CPNE8: variants seen among roughly 807,000 people sequenced by gnomAD.
CPNE8 encodes the protein copine 8, also known as copine-8.
A neutral mutation model predicts 81.5 loss-of-function variants in CPNE8; 45 were observed. That is an observed-to-expected ratio of 0.55 (90% CI 0.44 to 0.71). CPNE8 has a LOEUF of 0.71. Ranked by LOEUF, CPNE8 falls within the 30% of genes least tolerant of loss-of-function variation. The pLI is 0.00. For synonymous variants in CPNE8, 252 were observed against 226.3 expected (o/e 1.11, Z -1.02); for missense variants, 594 against 672.1 (o/e 0.88, Z 1.28).
chr12:38,732,431 T>C (rs1940852418), intron 10 of CPNE8, among the ~76,000 whole-genome samples: 1 of 151,966 alleles, frequency 6.6e-6, no homozygotes, highest in South Asian at 2.1e-4. Flanking sequence ...AAGCAGTTCT[T>C]TGATATTTGG....
chr12:38,670,187 G>A (rs1373904695), intron 19 of CPNE8, among the ~76,000 whole-genome samples: 2 of 152,176 alleles, frequency 1.3e-5, no homozygotes, highest in Admixed American at 1.3e-4. Flanking sequence ...TTCATTGTTT[G>A]CTCCCTTAAA....
intron 4 of CPNE8, among the ~76,000 whole-genome samples, chr12:38,841,873 A>T (rs1943472558): frequency 6.6e-6 from 1 of 152,162 alleles, no homozygotes; most frequent in South Asian, 2.1e-4. Context: ...AAGCAGAAAG[A>T]TGAAGGATTA....
At chr12:38,717,295 C>T (rs1011162517) in intron 13 of CPNE8, among the ~76,000 whole-genome samples, 2 of 151,210 alleles carry the variant, frequency 1.3e-5, no homozygotes, top group African/African-American at 4.9e-5. Context: ...TGGGTATCTA[C>T]CCAGAGGAAA....
At chr12:38,690,386 C>T (rs1939646737) in intron 15 of CPNE8, among the ~76,000 whole-genome samples, 1 of 151,998 alleles carries the variant, frequency 6.6e-6, no homozygotes, top group South Asian at 2.1e-4. Flanking sequence ...CTTATTTATC[C>T]AACAAAACAG....
intron 3 of CPNE8, among the ~76,000 whole-genome samples, chr12:38,860,330 T>G (rs937268134): frequency 6.8e-6 from 1 of 147,846 alleles, no homozygotes; most frequent in African/African-American, 2.5e-5. Flanking sequence ...ATTGGAGAAC[T>G]GTAAATTCAC....
intron 6 of CPNE8, among the ~76,000 whole-genome samples, chr12:38,822,396 C>T (rs1222884041): frequency 2.0e-5 from 3 of 152,026 alleles, no homozygotes; most frequent in Non-Finnish European, 2.9e-5. Context: ...CGGTCCTTTC[C>T]TTAAACTTGC....
chr12:38,677,914 T>C (rs1939328744), intron 16 of CPNE8, among the ~76,000 whole-genome samples: 1 of 152,110 alleles, frequency 6.6e-6, no homozygotes, highest in Non-Finnish European at 1.5e-5. Context: ...TTACCTAAGC[T>C]ATGTGAAAGT....
intron 15 of CPNE8, among the ~76,000 whole-genome samples, chr12:38,687,369 A>G (rs74936170): frequency 0.014 from 1,659 of 117,658 alleles, 38 homozygotes; most frequent in African/African-American, 0.048. Flanking sequence ...AAATGCCAAG[A>G]CTTTCTTTTT....
chr12:38,675,697 A>C lies in CPNE8; in HGVS notation c.1432+20T>G. 1 of 1,498,218 alleles carries C rather than the reference A, an allele frequency of 6.7e-7. No homozygotes were observed. The highest frequency in any genetic ancestry group is 9.3e-7 in the Non-Finnish European group (1 of 1,075,588). 92.8% of individuals were successfully genotyped at this position (1,498,218 alleles called of 1,614,324 possible). A position where few individuals can be genotyped will look rare whatever the true frequency, so the allele number is the denominator to read the frequency against. ...ATTAAATGAACTCCCAAGGAATATT[A>C]TTGAAATTTTACTACTCACCATCAA... On this transcript the variant is annotated intron_variant, in intron 18 of 19. Coordinates refer to ENST00000331366, the MANE Select transcript of CPNE8 (RefSeq NM_153634.3).
intron 6 of CPNE8, among the ~76,000 whole-genome samples, chr12:38,814,157 G>T (rs534625780): frequency 1.5e-4 from 23 of 152,034 alleles, no homozygotes; most frequent in African/African-American, 5.3e-4. Flanking sequence ...AAGGTCTCTA[G>T]AGAAGCCTCT....
At chr12:38,685,735 C>T (rs1939518761) in intron 15 of CPNE8, 118 bp from the exon 16 acceptor site, 9 of 1,002,008 alleles carry the variant, frequency 9.0e-6, no homozygotes, top group African/African-American at 1.6e-5. Context: ...TTGAGGAACT[C>T]TTATTCATAA....
chr12:38,786,333 G>A (rs1315721496), intron 6 of CPNE8, among the ~76,000 whole-genome samples: 1 of 152,148 alleles, frequency 6.6e-6, no homozygotes, highest in Non-Finnish European at 1.5e-5. Flanking sequence ...TTGGGTCAGT[G>A]GGCTGAGAAA....
intron 10 of CPNE8, among the ~76,000 whole-genome samples, chr12:38,736,793 C>T (rs911213213): frequency 5.3e-5 from 8 of 151,956 alleles, no homozygotes; most frequent in Admixed American, 1.3e-4. Flanking sequence ...CAGGAAATAA[C>T]TTTTACCTAG....
intron 19 of CPNE8, among the ~76,000 whole-genome samples, chr12:38,659,906 A>T (rs1938913499): frequency 1.3e-5 from 2 of 152,198 alleles, no homozygotes; most frequent in African/African-American, 2.4e-5. Context: ...CCAACTTACA[A>T]GGGATGTGAA....
At chr12:38,722,727 C>A (rs935037949) in intron 13 of CPNE8, among the ~76,000 whole-genome samples, 1 of 152,102 alleles carries the variant, frequency 6.6e-6, no homozygotes, top group Non-Finnish European at 1.5e-5. Flanking sequence ...ACAACCAATG[C>A]TTTTTTTAAA....
At chr12:38,779,418 A>G (rs1941999719) in intron 6 of CPNE8, among the ~76,000 whole-genome samples, 1 of 152,148 alleles carries the variant, frequency 6.6e-6, no homozygotes, top group South Asian at 2.1e-4. Context: ...CATTAACTAG[A>G]TTGCCTGATT....
Position 38,671,965 on chromosome 12 carries a change from T to C in CPNE8, c.1433-1163A>G, listed in dbSNP as rs78722489. On this transcript the variant is annotated intron_variant, in intron 18 of 19. Transcript: ENST00000331366. ...GATAATTATCCCAATGCAGAAGACA[T>C]TTTTTAATCTCCCTTACTTCTTGGA... Among the ~76,000 whole-genome samples, 1,432 of 152,226 alleles carry C rather than the reference T, an allele frequency of 9.4e-3. 29 individuals are homozygous for C. The highest frequency in any genetic ancestry group is 0.032 in the African/African-American group (1,325 of 41,546).
chr12:38,761,526 TG>T (rs1189446690), intron 9 of CPNE8, among the ~76,000 whole-genome samples: 1 of 152,238 alleles, frequency 6.6e-6, no homozygotes, highest in Non-Finnish European at 1.5e-5. Context: ...TTCTATGATA[TG>T]GGTTAATTAA....
At chr12:38,702,001 ATAAGAAGAAGGTT>A (rs1439245908) in intron 14 of CPNE8, among the ~76,000 whole-genome samples, 1 of 152,214 alleles carries the variant, frequency 6.6e-6, no homozygotes, top group African/African-American at 2.4e-5. Flanking sequence ...CCTCGCTTGT[ATAAGAAGAAGGTT>A]CAATTAAGTG....
Sources: allele counts gnomAD v4.1 joint callset (sites outside exome capture counted in the v4.1 genomes callset), GRCh38; gene constraint gnomAD v4.1.1; transcripts MANE v1.5; gene names NCBI Gene and HGNC (gene_info 2026-07-23, HGNC 2026-07-21).